The following TRAK1 variants were observed in gnomAD, a reference collection of about 807,000 sequenced individuals.
TRAK1 encodes the protein trafficking kinesin protein 1, also known as trafficking kinesin-binding protein 1.
Under a neutral mutation model 92.1 loss-of-function variants are expected in TRAK1, and 33 were observed. That is an observed-to-expected ratio of 0.36 (90% CI 0.27 to 0.48). TRAK1 has a LOEUF of 0.48. Ranked by LOEUF, TRAK1 falls within the 20% of genes least tolerant of loss-of-function variation. The pLI, the probability that TRAK1 is intolerant of heterozygous loss-of-function variation, is 0.99. For missense variants in TRAK1, 1,123 were observed against 1,257.9 expected (o/e 0.89, Z 1.62); for synonymous variants, 521 against 517.3 (o/e 1.01, Z -0.10).
intron 14 of TRAK1, chr3:42,210,869 G>T (rs76352058): frequency 1.0e-4 from 103 of 985,100 alleles, no homozygotes; most frequent in Non-Finnish European, 1.2e-4. Flanking sequence ...AGCATTAAAG[G>T]TGTGGCCATG....
At chr3:42,106,410 A>G (rs1301631540) in intron 1 of TRAK1, among the ~76,000 whole-genome samples, 2 of 152,234 alleles carry the variant, frequency 1.3e-5, no homozygotes, top group African/African-American at 4.8e-5. Context: ...AAACCAAAAA[A>G]GATCAAAAGA....
rs565534378 is a variant in TRAK1, at chr3:42,071,124, A to G, written c.-518-15980A>G. 1.4e-4 allele frequency among the ~76,000 whole-genome samples: 21 copies of G among 152,312 alleles called. No individual in the cohort carries two copies. The South Asian group carries it at 1.7e-3, about 12-fold the overall frequency. ...GTCACTTTGCAGTAAGTGGCAGCCA[A>G]TATTGCTCTTTTCCTTGTTGGAGTC... is the stretch of plus-strand genomic sequence containing the variant. On this transcript the variant is annotated intron_variant, in intron 1 of 16. Coordinates refer to the TRAK1 transcript ENST00000487159.
intron 4 of TRAK1, chr3:42,185,054 G>C (rs1704596395): frequency 2.2e-6 from 1 of 463,796 alleles, no homozygotes; most frequent in Non-Finnish European, 3.9e-6. Flanking sequence ...CTAAGGGCGG[G>C]CATGGTCCTC....
chr3:42,167,676 C>T (rs1465249928), intron 2 of TRAK1, among the ~76,000 whole-genome samples: 8 of 152,110 alleles, frequency 5.3e-5, no homozygotes, highest in Non-Finnish European at 8.8e-5. Flanking sequence ...GTCAGGAGAT[C>T]GAGACCATCC....
At position 42,080,420 on chromosome 3, in the gene TRAK1, C is replaced by T. The variant is rs142847590; in HGVS notation, c.-518-6684C>T. Among the ~76,000 whole-genome samples the T allele has an allele frequency of 8.5e-4, 130 of 152,288 alleles. 1 individual carries two copies. Among genetic ancestry groups the T allele is most frequent in the African/African-American group, 3.1e-3 (129 of 41,562 alleles). On this transcript the variant is annotated intron_variant, in intron 1 of 16. Coordinates refer to the TRAK1 transcript ENST00000487159. ...AAATTGACCTGGTTGCAGAATTTCT[C>T]ACTCCTCTGCTAAGAAAAATCCTGC...
intron 2 of TRAK1, among the ~76,000 whole-genome samples, chr3:42,175,533 G>A (rs1703103399): frequency 6.6e-6 from 1 of 152,150 alleles, no homozygotes; most frequent in South Asian, 2.1e-4. Flanking sequence ...GGGTGGAGGG[G>A]TCTTGTCTGC....
intron 2 of TRAK1, among the ~76,000 whole-genome samples, chr3:42,140,552 G>A (rs188004769): frequency 3.9e-5 from 6 of 152,270 alleles, no homozygotes; most frequent in African/African-American, 9.6e-5. Context: ...GCTTGAACCC[G>A]GGAGGTGGAG....
chr3:42,039,012 A>T (rs1702435438), intron 1 of TRAK1, among the ~76,000 whole-genome samples: 1 of 151,974 alleles, frequency 6.6e-6, no homozygotes, highest in African/African-American at 2.4e-5. Context: ...AACTGTGATC[A>T]CAATATTATT....
intron 2 of TRAK1, among the ~76,000 whole-genome samples, chr3:42,156,436 TACAC>T (rs1200316458): frequency 6.6e-6 from 1 of 152,164 alleles, no homozygotes; most frequent in Non-Finnish European, 1.5e-5. Flanking sequence ...TTTCATGTCT[TACAC>T]AGCAGCCAGC....
chr3:42,110,094 G>GTATGTATATA (rs1553719379), intron 1 of TRAK1, among the ~76,000 whole-genome samples: 1 of 83,238 alleles, frequency 1.2e-5, no homozygotes, highest in African/African-American at 5.6e-5. Flanking sequence ...AGAACTTAAA[G>GTATGTATATA]TATATATATA....
At chr3:42,217,551 G>A (rs774821973) in intron 14 of TRAK1, 52 of 985,230 alleles carry the variant, frequency 5.3e-5, no homozygotes, top group Non-Finnish European at 6.0e-5. Flanking sequence ...TATGTAAGAG[G>A]GTGGAGGAGG....
intron 3 of TRAK1, among the ~76,000 whole-genome samples, chr3:42,178,504 G>A (rs192527993): frequency 1.3e-5 from 2 of 152,258 alleles, no homozygotes; most frequent in East Asian, 3.9e-4. Flanking sequence ...GACCTTTGAA[G>A]ATGGCCCCAA....
chr3:42,202,868 C>T lies in TRAK1; in HGVS notation c.1744+116C>T. 1 of 1,482,688 alleles carries T rather than the reference C, an allele frequency of 6.7e-7. No individual in the cohort carries two copies. The highest frequency in any genetic ancestry group is 9.0e-7 in the Non-Finnish European group (1 of 1,113,990). The allele number at this position is 1,482,688 out of a possible 1,614,324, so 91.8% of individuals were successfully genotyped here. On this transcript the variant is annotated intron_variant, in intron 13 of 15. Coordinates refer to ENST00000327628, the MANE Select transcript of TRAK1 (RefSeq NM_001042646.3). The surrounding 1 kb of genome is among the most constrained non-coding windows in gnomAD (Gnocchi z 6.1). ...ACGCCTACTCCTTTTTCTTCCGCGA[C>T]AGCCACCCGCGCTGCTGGTTTGAGT... is the stretch of plus-strand genomic sequence containing the variant.
intron 2 of TRAK1, among the ~76,000 whole-genome samples, chr3:42,149,996 A>G (rs569703167): frequency 6.6e-6 from 1 of 152,230 alleles, no homozygotes; most frequent in African/African-American, 2.4e-5. Flanking sequence ...GGGGCTTGGA[A>G]TAGTGTGTTC....
At chr3:42,134,578 CTTTT>C (rs547455969) in intron 2 of TRAK1, among the ~76,000 whole-genome samples, 6 of 76,452 alleles carry the variant, frequency 7.8e-5, no homozygotes, top group South Asian at 6.0e-4. Context: ...TGCCTGGTCT[CTTTT>C]TTTTTTTTTT....
At chr3:42,039,888 A>C (rs181082582) in intron 1 of TRAK1, among the ~76,000 whole-genome samples, 400 of 152,282 alleles carry the variant, frequency 2.6e-3, no homozygotes, top group African/African-American at 9.2e-3. Context: ...AAAATTTGTT[A>C]CTGTTCATAT....
intron 15 of TRAK1, among the ~76,000 whole-genome samples, chr3:42,221,208 T>C (rs1559407989): frequency 6.6e-6 from 1 of 151,890 alleles, no homozygotes; most frequent in Non-Finnish European, 1.5e-5. Flanking sequence ...ATTTTAAGTC[T>C]AGAGCATTTT....
intron 1 of TRAK1, among the ~76,000 whole-genome samples, chr3:42,075,764 A>T (rs73062434): frequency 0.13 from 20,458 of 152,058 alleles, 1,691 homozygotes; most frequent in South Asian, 0.18. Flanking sequence ...TTTTTTTCAT[A>T]TGCTTTTTGG....
intron 2 of TRAK1, among the ~76,000 whole-genome samples, chr3:42,127,349 T>TATTTA (rs1409244463): frequency 5.5e-5 from 6 of 108,892 alleles, no homozygotes; most frequent in African/African-American, 3.1e-4. Context: ...TTCATACACT[T>TATTTA]TTTTTTTTTT....
Sources: allele counts gnomAD v4.1 joint callset (sites outside exome capture counted in the v4.1 genomes callset), GRCh38; gene constraint gnomAD v4.1.1; non-coding constraint Gnocchi (gnomAD v3.1); transcripts MANE v1.5; gene names NCBI Gene and HGNC (gene_info 2026-07-23, HGNC 2026-07-21).